The following GPM6A variants were observed in gnomAD, a reference collection of about 807,000 sequenced individuals.
GPM6A encodes the protein glycoprotein M6A.
In GPM6A, 7 loss-of-function variants were observed where a neutral mutation model predicts 32.1. That is an observed-to-expected ratio of 0.22 (90% CI 0.12 to 0.41). The LOEUF is 0.41. GPM6A is among the 10% of genes least tolerant of loss of function. The pLI is 1.00. For missense variants in GPM6A, 235 were observed against 347.2 expected (o/e 0.68, Z 2.57); for synonymous variants, 130 against 123.4 (o/e 1.05, Z -0.35).
intron 1 of GPM6A, among the ~76,000 whole-genome samples, chr4:175,750,730 GCC>G (rs753515520): frequency 3.9e-5 from 6 of 151,914 alleles, no homozygotes; most frequent in Non-Finnish European, 5.9e-5. Context: ...GTGCTACCAT[GCC>G]CAGCTAATTT....
intron 2 of GPM6A, among the ~76,000 whole-genome samples, chr4:175,696,896 G>T (rs1225038290): frequency 6.6e-6 from 1 of 151,976 alleles, no homozygotes; most frequent in African/African-American, 2.4e-5. Context: ...CCCACCCGAA[G>T]TTAGTTGAGA....
At chr4:175,818,227 T>G (rs1242020636) in intron 1 of GPM6A, among the ~76,000 whole-genome samples, 8 of 152,212 alleles carry the variant, frequency 5.3e-5, no homozygotes, top group Admixed American at 5.2e-4. Context: ...CATCTCCTTC[T>G]AATTTCTTAA....
chr4:175,837,127 A>AAG (rs149933359), intron 1 of GPM6A, among the ~76,000 whole-genome samples: 22 of 150,028 alleles, frequency 1.5e-4, no homozygotes, highest in South Asian at 4.2e-4. Context: ...GAACAAGAGC[A>AAG]AGAGAGAGAG....
At chr4:175,861,962 T>TAA (rs1736587989) in intron 1 of GPM6A, among the ~76,000 whole-genome samples, 1 of 151,494 alleles carries the variant, frequency 6.6e-6, no homozygotes, top group Non-Finnish European at 1.5e-5. Flanking sequence ...AAAAAAGTAT[T>TAA]AAATATTCAC....
At chr4:175,682,520 G>A (rs764741350) in intron 2 of GPM6A, among the ~76,000 whole-genome samples, 2 of 152,172 alleles carry the variant, frequency 1.3e-5, no homozygotes, top group Non-Finnish European at 1.5e-5. Context: ...GGCCTTGAAG[G>A]CCTTTCAGAG....
chr4:175,646,087 G>C (rs2110901978), intron 4 of GPM6A, among the ~76,000 whole-genome samples: 1 of 152,076 alleles, frequency 6.6e-6, no homozygotes, highest in East Asian at 1.9e-4. Context: ...TGATTACATT[G>C]ATGCCACCTG....
chr4:175,812,869 T>C (rs1734984947), upstream of GPM6A: 1 of 985,140 alleles, frequency 1.0e-6, no homozygotes, highest in African/African-American at 1.7e-5. Context: ...TTTAGTTAAT[T>C]TGATTTAAGG....
At chr4:175,787,591 T>C in intron 1 of GPM6A, 2 of 1,347,798 alleles carry the variant, frequency 1.5e-6, no homozygotes, top group Non-Finnish European at 9.5e-7. Flanking sequence ...AGATTTCTAA[T>C]TCAGCTTTTT....
chr4:175,812,340 T>TTTTTTTC, upstream of GPM6A: 1 of 1,282,174 alleles, frequency 7.8e-7, no homozygotes, highest in Non-Finnish European at 1.0e-6. Flanking sequence ...TTTTTTTTTT[T>TTTTTTTC]CCTGGGAAGC....
chr4:175,812,369 G>A, upstream of GPM6A: 3 of 1,357,832 alleles, frequency 2.2e-6, no homozygotes, highest in Non-Finnish European at 2.8e-6. Flanking sequence ...CAGTGGCTTG[G>A]GCAAGTCCTC....
chr4:175,787,047 C>T (rs1733830055), intron 1 of GPM6A: 2 of 327,754 alleles, frequency 6.1e-6, no homozygotes, highest in East Asian at 1.1e-4. Flanking sequence ...CCTATAATCT[C>T]GGTGTTTGTT....
intron 3 of GPM6A, among the ~76,000 whole-genome samples, chr4:175,652,772 C>T (rs1212422830): frequency 1.3e-5 from 2 of 151,964 alleles, no homozygotes; most frequent in African/African-American, 4.8e-5. Context: ...GATAAAAGGA[C>T]ATGTAGATGT....
intron 1 of GPM6A, among the ~76,000 whole-genome samples, chr4:175,932,970 C>A (rs1739099508): frequency 6.6e-6 from 1 of 151,972 alleles, no homozygotes; most frequent in South Asian, 2.1e-4. Context: ...CAATTACAGT[C>A]ATATTCATTG....
At chr4:175,657,277 A>G (rs1173900639) in intron 3 of GPM6A, among the ~76,000 whole-genome samples, 2 of 152,216 alleles carry the variant, frequency 1.3e-5, no homozygotes, top group South Asian at 2.1e-4. Flanking sequence ...CAAAGCTTCA[A>G]TAGATAGACA....
chr4:175,851,916 C>A (rs1736271689), intron 1 of GPM6A, among the ~76,000 whole-genome samples: 1 of 151,256 alleles, frequency 6.6e-6, no homozygotes. Flanking sequence ...CCTTAAGAAA[C>A]AAAAAAAAGA....
At chr4:175,825,837 T>G (rs1735416425) in intron 1 of GPM6A, among the ~76,000 whole-genome samples, 1 of 152,184 alleles carries the variant, frequency 6.6e-6, no homozygotes, top group Non-Finnish European at 1.5e-5. Flanking sequence ...CATTTTCAAG[T>G]TGAACATTTT....
chr4:175,839,832 A>G (rs999355557), intron 1 of GPM6A, among the ~76,000 whole-genome samples: 3 of 152,226 alleles, frequency 2.0e-5, no homozygotes, highest in Non-Finnish European at 4.4e-5. Flanking sequence ...ATCAAAAGAT[A>G]CACAAACTTA....
chr4:175,994,306 T>C (rs2126465882), intron 1 of GPM6A, among the ~76,000 whole-genome samples: 1 of 152,294 alleles, frequency 6.6e-6, no homozygotes, highest in Admixed American at 6.5e-5. Flanking sequence ...AATGTAATAG[T>C]AATTCCAAGA....
intron 1 of GPM6A, chr4:175,962,450 A>G (rs1307113509): frequency 6.0e-6 from 4 of 671,006 alleles, no homozygotes; most frequent in Non-Finnish European, 1.1e-5. Flanking sequence ...CTAGGACAAT[A>G]AGGCAACCTT....
Sources: allele counts gnomAD v4.1 joint callset (sites outside exome capture counted in the v4.1 genomes callset), GRCh38; gene constraint gnomAD v4.1.1; transcripts MANE v1.5; gene names NCBI Gene and HGNC (gene_info 2026-07-23, HGNC 2026-07-21).